DIS3L: variants seen among roughly 807,000 people sequenced by gnomAD.
DIS3L encodes the protein DIS3 like exosome 3'-5' exoribonuclease.
Under a neutral mutation model 120.3 loss-of-function variants are expected in DIS3L, and 100 were observed. The observed-to-expected ratio is 0.83, with a 90% confidence interval of 0.71 to 0.98. DIS3L has a LOEUF of 0.98. Ranked by LOEUF, DIS3L falls within the 50% of genes least tolerant of loss-of-function variation. DIS3L has a pLI of 0.00. For missense variants in DIS3L, 1,196 were observed against 1,314.2 expected, an observed-to-expected ratio of 0.91 and a Z score of 1.39; for synonymous variants, 426 against 470.6, an observed-to-expected ratio of 0.91 and a Z score of 1.23.
In DIS3L at chr15:66,332,881, GT is replaced by G. The variant is rs760228023; in HGVS notation, c.2829del (p.Thr944ArgfsTer8). ...CTCTACTACAACAGATGGGGAATCT[GT>G]TACGTTCCATTTGTTTGACCATGTA... ...ITSTTTDGESVTFHLFDHVTV... is the reference protein window; with the variant it reads ...ITSTTTDGESXTFHLFDHVTV... On this transcript the variant is annotated frameshift_variant, in exon 16 of 17. Transcript: ENST00000319212. LOFTEE classifies it high-confidence loss of function. 1 of 1,612,592 alleles carries G rather than the reference GT, an allele frequency of 6.2e-7. No individual in the cohort carries two copies. Among genetic ancestry groups the G allele is most frequent in the South Asian group, 1.1e-5 (1 of 90,686 alleles).
chr15:66,293,928 C>T, intron 1 of DIS3L, 193 bp downstream of exon 1: 7 of 998,246 alleles, frequency 7.0e-6, no homozygotes, highest in Non-Finnish European at 8.3e-6. Flanking sequence ...TCCGCGGCTT[C>T]TGGGGCGCCC....
At chr15:66,295,271 T>C (rs1334682387) in intron 2 of DIS3L, 130 bp downstream of exon 2, 1 of 865,904 alleles carries the variant, frequency 1.2e-6, no homozygotes, top group Non-Finnish European at 1.8e-6. Context: ...AATTTCGTAT[T>C]CTCTTTGATA....
chr15:66,326,110 GGA>G lies in DIS3L; in HGVS notation c.1948_1949del (p.Glu650ThrfsTer12). 1 of 1,614,172 alleles carries G rather than the reference GGA, an allele frequency of 6.2e-7. No individual in the cohort carries two copies. The highest frequency in any genetic ancestry group is 1.1e-5 in the South Asian group (1 of 91,082). ...CTAAACGAGACGGATGTGGTGCCCT[GGA>G]ACTGGAAGGGGTAGAGGTTTGCGTA... ...RAKRDGCGALELEGVEVCVQL... is the reference protein window; with the variant it reads ...RAKRDGCGALXLEGVEVCVQL... On this transcript the variant is annotated frameshift_variant, in exon 12 of 17. Transcript: ENST00000319212. LOFTEE classifies it high-confidence loss of function.
At chr15:66,323,792 C>G (rs1174332889) in intron 11 of DIS3L, among the ~76,000 whole-genome samples, 1 of 152,146 alleles carries the variant, frequency 6.6e-6, no homozygotes, top group Non-Finnish European at 1.5e-5. Flanking sequence ...TGCCCTTTCC[C>G]TCCTCTCTTC....
chr15:66,328,026 T>C (rs935196176), intron 12 of DIS3L, among the ~76,000 whole-genome samples: 7 of 152,226 alleles, frequency 4.6e-5, no homozygotes, highest in African/African-American at 1.7e-4. Flanking sequence ...CACTCCAGCC[T>C]CTGTATGGTC....
At chr15:66,297,896 C>G (rs892961068) in intron 2 of DIS3L, among the ~76,000 whole-genome samples, 1 of 151,910 alleles carries the variant, frequency 6.6e-6, no homozygotes, top group African/African-American at 2.4e-5. Flanking sequence ...AGATGGGAAT[C>G]AGGCCAGGCT....
intron 5 of DIS3L, 33 bp downstream of exon 5, chr15:66,311,933 G>A (rs201608447): frequency 1.9e-6 from 3 of 1,608,378 alleles, no homozygotes; most frequent in Admixed American, 1.7e-5. Flanking sequence ...TGTCAGGGCT[G>A]GGCACAGTGG....
chr15:66,320,677 T>C lies in DIS3L; in HGVS notation c.1271T>C (p.Ile424Thr). ...LGRIGDLEGE[I>T]ATILVENSIS... is the part of the protein sequence containing the mutation. ...AGAATCGGAGATCTGGAAGGGGAAA[T>C]TGCAACCATCCTGGTGGAAAACAGT... The change falls in exon 9 of 17, where the codon ATT becomes ACT. Residue 424 changes from isoleucine to threonine, a missense_variant. Coordinates refer to ENST00000319212, the MANE Select transcript of DIS3L (RefSeq NM_001143688.3). 2 of 1,614,150 alleles carry C rather than the reference T, an allele frequency of 1.2e-6. No homozygotes were observed. Among genetic ancestry groups the C allele is most frequent in the Non-Finnish European group, 1.7e-6 (2 of 1,179,994 alleles).
At chr15:66,320,020 A>G (rs1047358189) in intron 8 of DIS3L, among the ~76,000 whole-genome samples, 1 of 151,512 alleles carries the variant, frequency 6.6e-6, no homozygotes, top group Non-Finnish European at 1.5e-5. Flanking sequence ...GCTATGTGAG[A>G]GGCTGAGGCA....
Position 66,331,040 on chromosome 15 carries a change from A to C in DIS3L, c.2536-835A>C, listed in dbSNP as rs553600086. On this transcript the variant is annotated intron_variant, in intron 14 of 16. Coordinates refer to ENST00000319212, the MANE Select transcript of DIS3L (RefSeq NM_001143688.3). The stretch of plus-strand genomic sequence containing the variant: ...CATGGTGGTGCATGCCTGTAATCCC[A>C]GCTAATCGGGCGGCTGAGGCAGGAG... 2.6e-5 allele frequency among the ~76,000 whole-genome samples: 4 copies of C among 152,224 alleles called. No homozygotes were observed. In the South Asian group the frequency reaches 8.3e-4, roughly 32 times the overall value.
chr15:66,324,498 A>G (rs2092916729), intron 11 of DIS3L, among the ~76,000 whole-genome samples: 1 of 152,188 alleles, frequency 6.6e-6, no homozygotes, highest in Non-Finnish European at 1.5e-5. Context: ...AAAATACAGT[A>G]TATGTGAAAG....
intron 2 of DIS3L, among the ~76,000 whole-genome samples, chr15:66,306,454 A>G (rs961697201): frequency 6.6e-6 from 1 of 152,254 alleles, no homozygotes. Context: ...GTCCAAAAAT[A>G]AAGTGCTAAA....
intron 3 of DIS3L, 24 bp from the exon 4 acceptor site, chr15:66,308,685 C>T: frequency 6.3e-7 from 1 of 1,599,766 alleles, no homozygotes; most frequent in Non-Finnish European, 8.5e-7. Context: ...CTGGGGAGAG[C>T]TCATGTGCCC....
At chr15:66,325,209 C>T (rs1032577043) in intron 11 of DIS3L, among the ~76,000 whole-genome samples, 2 of 152,120 alleles carry the variant, frequency 1.3e-5, no homozygotes, top group African/African-American at 4.8e-5. Context: ...GCCTGGGCAA[C>T]ACAGTGAAAC....
chr15:66,324,110 T>C (rs1212937489), intron 11 of DIS3L, among the ~76,000 whole-genome samples: 1 of 152,206 alleles, frequency 6.6e-6, no homozygotes, highest in South Asian at 2.1e-4. Context: ...CTAGATATAA[T>C]ACATACATGA....
At chr15:66,314,225 T>G in intron 6 of DIS3L, 108 bp downstream of exon 6, 3 of 823,096 alleles carry the variant, frequency 3.6e-6, no homozygotes, top group Non-Finnish European at 5.3e-6. Flanking sequence ...CTGTTATGTA[T>G]GCCTACATAC....
chr15:66,314,357 A>G (rs543772025), intron 6 of DIS3L, among the ~76,000 whole-genome samples: 3 of 152,334 alleles, frequency 2.0e-5, no homozygotes, highest in Admixed American at 1.3e-4. Flanking sequence ...CCAAGGTCAC[A>G]CACCTGGTAA....
chr15:66,300,406 C>T (rs1387587123), intron 2 of DIS3L, among the ~76,000 whole-genome samples: 1 of 152,236 alleles, frequency 6.6e-6, no homozygotes, highest in African/African-American at 2.4e-5. Context: ...GGGGAACAGG[C>T]AATGACTGCT....
chr15:66,315,462 C>A (rs542860235), intron 7 of DIS3L, among the ~76,000 whole-genome samples: 8 of 152,092 alleles, frequency 5.3e-5, no homozygotes, highest in Non-Finnish European at 1.2e-4. Flanking sequence ...ATTAACCTCA[C>A]TATGTGATGA....
Sources: allele counts gnomAD v4.1 joint callset (sites outside exome capture counted in the v4.1 genomes callset), GRCh38; gene constraint gnomAD v4.1.1; transcripts MANE v1.5; gene names NCBI Gene and HGNC (gene_info 2026-07-23, HGNC 2026-07-21).